Variants in MRPS27 observed in about 807,000 individuals in gnomAD.
MRPS27 encodes the protein mitochondrial ribosomal protein S27, also known as small ribosomal subunit protein mS27.
Under a neutral mutation model 48.9 loss-of-function variants are expected in MRPS27, and 43 were observed. That is an observed-to-expected ratio of 0.88 (90% CI 0.69 to 1.13). MRPS27 has a LOEUF of 1.13. MRPS27 is among the 50% of genes most tolerant of loss of function. The pLI, the probability that MRPS27 is intolerant of heterozygous loss-of-function variation, is 0.00. For missense variants in MRPS27, 467 were observed against 476.3 expected, an observed-to-expected ratio of 0.98 and a Z score of 0.18; for synonymous variants, 188 against 171.9, an observed-to-expected ratio of 1.09 and a Z score of -0.73.
At chr5:72,237,652 A>C (rs1359720838) in intron 5 of MRPS27, among the ~76,000 whole-genome samples, 1 of 152,016 alleles carries the variant, frequency 6.6e-6, no homozygotes, top group Non-Finnish European at 1.5e-5. Flanking sequence ...GGAGTCAGGG[A>C]ACTCCAAAGA....
At chr5:72,292,059 T>C (rs997034319) in intron 4 of MRPS27, among the ~76,000 whole-genome samples, 1 of 152,210 alleles carries the variant, frequency 6.6e-6, no homozygotes, top group African/African-American at 2.4e-5. Context: ...TATTTTTTAT[T>C]ATCTTATTTA....
chr5:72,251,388 T>C (rs1748660609), intron 4 of MRPS27, among the ~76,000 whole-genome samples: 1 of 152,196 alleles, frequency 6.6e-6, no homozygotes. Flanking sequence ...GGCTGATGAC[T>C]GGTGGCAGGG....
Position 72,284,960 on chromosome 5 carries a change from T to C in MRPS27, c.281+10571A>G, listed in dbSNP as rs978506225. ...CATTTTTGGCATGAATATGAGTGTA[T>C]CAGGAGGTTAAATTCCTAGAGGTGG... On this transcript the variant is annotated intron_variant, in intron 4 of 10. Transcript: ENST00000261413. Among the ~76,000 whole-genome samples the C allele has an allele frequency of 2.0e-5, 3 of 152,186 alleles. 1 individual carries two copies. Among genetic ancestry groups the C allele is most frequent in the African/African-American group, 7.2e-5 (3 of 41,438 alleles).
chr5:72,309,850 C>G (rs949883324), intron 2 of MRPS27, among the ~76,000 whole-genome samples: 1 of 152,192 alleles, frequency 6.6e-6, no homozygotes, highest in African/African-American at 2.4e-5. Context: ...ATCACTAGAA[C>G]AGTATAGTAT....
At chr5:72,266,753 G>A (rs1428468400) in intron 4 of MRPS27, among the ~76,000 whole-genome samples, 2 of 152,096 alleles carry the variant, frequency 1.3e-5, no homozygotes, top group Non-Finnish European at 2.9e-5. Flanking sequence ...ACAGCTACTC[G>A]GGAGGCTGAG....
At chr5:72,241,784 AC>A in intron 4 of MRPS27, 1 of 1,200,482 alleles carries the variant, frequency 8.3e-7, no homozygotes, top group Non-Finnish European at 1.2e-6. Context: ...GCCTGCTCTG[AC>A]CACCAGCCTG....
chr5:72,228,307 G>A lies in MRPS27; in HGVS notation c.653C>T (p.Ser218Leu), dbSNP rs1191370665. Residue 218 changes from serine (S) to leucine (L), a missense_variant, in exon 8 of 11, where the codon TCA (serine) becomes TTA (leucine). Physicochemically the swap from Ser to Leu is moderately radical, Grantham distance 145. Coordinates refer to ENST00000261413, the MANE Select transcript of MRPS27 (RefSeq NM_015084.3). ...ATACAACTGGGAACTGAAACCCACTGAGTTCTTTTGTTTTAGGCCTGGAAG... is the reference window on the plus strand; with the variant it reads ...ATACAACTGGGAACTGAAACCCACTAAGTTCTTTTGTTTTAGGCCTGGAAG... ...LLLPGLKQKN[S>L]VGFSSQLYGY... 1 of 1,613,582 alleles carries A rather than the reference G, an allele frequency of 6.2e-7. No individual in the cohort carries two copies. Among genetic ancestry groups the A allele is most frequent in the Non-Finnish European group, 8.5e-7 (1 of 1,179,690 alleles).
chr5:72,229,503 G>A (rs929456003), intron 7 of MRPS27: 4 of 152,036 alleles, frequency 2.6e-5, no homozygotes, highest in South Asian at 2.1e-4. Flanking sequence ...AAACTAAGAA[G>A]TTTGATTTTC....
chr5:72,283,731 C>CAA (rs947926998), intron 4 of MRPS27, among the ~76,000 whole-genome samples: 9 of 145,518 alleles, frequency 6.2e-5, no homozygotes, highest in African/African-American at 1.0e-4. Context: ...TGTGTACGTA[C>CAA]AAAAAAAAAA....
chr5:72,289,905 A>T (rs1417606235), intron 4 of MRPS27, among the ~76,000 whole-genome samples: 1 of 152,160 alleles, frequency 6.6e-6, no homozygotes, highest in Non-Finnish European at 1.5e-5. Context: ...ACATGATTCG[A>T]AGGCCTATGT....
chr5:72,260,823 A>G (rs1748944072), intron 4 of MRPS27, among the ~76,000 whole-genome samples: 1 of 152,220 alleles, frequency 6.6e-6, no homozygotes. Flanking sequence ...GCCAAGTTTC[A>G]TATTACTTTC....
chr5:72,243,501 G>T (rs958739066), intron 4 of MRPS27, among the ~76,000 whole-genome samples: 5 of 152,072 alleles, frequency 3.3e-5, no homozygotes, highest in Non-Finnish European at 5.9e-5. Context: ...AGAGGGCAGG[G>T]TTTAATACAG....
chr5:72,308,352 C>A (rs1029875103), intron 2 of MRPS27, among the ~76,000 whole-genome samples: 4 of 152,240 alleles, frequency 2.6e-5, no homozygotes, highest in Non-Finnish European at 5.9e-5. Flanking sequence ...GCCGCAGTGT[C>A]CCTTGCTGCC....
Position 72,232,574 on chromosome 5 carries a change from A to T in MRPS27, c.476-16T>A, listed in dbSNP as rs1450104655. The T allele has an allele frequency of 6.5e-7, 1 of 1,547,826 alleles. No homozygotes were observed. The highest frequency in any genetic ancestry group is 1.4e-5 in the African/African-American group (1 of 72,964). On this transcript the variant is annotated splice_polypyrimidine_tract_variant and intron_variant, in intron 6 of 10. Coordinates refer to ENST00000261413, the MANE Select transcript of MRPS27 (RefSeq NM_015084.3). ...GATAAAGCATCTAGCAGAAGATGAA[A>T]GTAAAAAAGAGAGGAAATTAGTTGT...
At chr5:72,280,577 C>T (rs948406798) in intron 4 of MRPS27, among the ~76,000 whole-genome samples, 2 of 152,062 alleles carry the variant, frequency 1.3e-5, no homozygotes, top group African/African-American at 4.8e-5. Context: ...TCTAAAAAAA[C>T]CAATAAAATA....
chr5:72,314,933 A>G (rs1750528275), intron 1 of MRPS27, among the ~76,000 whole-genome samples: 1 of 152,220 alleles, frequency 6.6e-6, no homozygotes, highest in Admixed American at 6.5e-5. Flanking sequence ...ATCTTACCCA[A>G]TGAGCCAGCA....
chr5:72,233,588 G>A (rs1043180733), intron 6 of MRPS27, among the ~76,000 whole-genome samples: 9 of 152,010 alleles, frequency 5.9e-5, no homozygotes, highest in Admixed American at 2.6e-4. Flanking sequence ...GAGGCCACAC[G>A]CATGGATTTC....
At chr5:72,256,432 G>A (rs1748809223) in intron 4 of MRPS27, among the ~76,000 whole-genome samples, 1 of 152,210 alleles carries the variant, frequency 6.6e-6, no homozygotes, top group Non-Finnish European at 1.5e-5. Context: ...TCCTATGATT[G>A]AATATATAGA....
chr5:72,319,034 T>C (rs762268750), intron 1 of MRPS27, among the ~76,000 whole-genome samples: 2 of 152,224 alleles, frequency 1.3e-5, no homozygotes, highest in African/African-American at 2.4e-5. Context: ...TGACGTTTAA[T>C]GGCTGTTCCT....
Sources: allele counts gnomAD v4.1 joint callset (sites outside exome capture counted in the v4.1 genomes callset), GRCh38; gene constraint gnomAD v4.1.1; transcripts MANE v1.5; gene names NCBI Gene and HGNC (gene_info 2026-07-23, HGNC 2026-07-21).